Variants in LEF1 observed in about 807,000 individuals in gnomAD.
LEF1 encodes lymphoid enhancer-binding factor 1.
Under a neutral mutation model 51.2 loss-of-function variants are expected in LEF1, and 14 were observed. The ratio of observed to expected loss-of-function variants is 0.27; its 90% CI spans 0.18 to 0.43. LEF1 has a LOEUF of 0.43. Ranked by LOEUF, LEF1 falls within the 20% of genes least tolerant of loss-of-function variation. LEF1 has a pLI of 1.00. For missense variants in LEF1, 386 were observed against 512.0 expected (o/e 0.75, Z 2.37); for synonymous variants, 185 against 183.2 (o/e 1.01, Z -0.08).
At chr4:108,162,612 A>G (rs1221129324) in intron 3 of LEF1, among the ~76,000 whole-genome samples, 1 of 152,058 alleles carries the variant, frequency 6.6e-6, no homozygotes, top group African/African-American at 2.4e-5. Flanking sequence ...ACAATCTGAG[A>G]TTTGACCTCC....
intron 3 of LEF1, among the ~76,000 whole-genome samples, chr4:108,146,164 G>T (rs1743990107): frequency 1.3e-5 from 2 of 152,198 alleles, no homozygotes; most frequent in South Asian, 2.1e-4. Context: ...CAACTGTGTT[G>T]CTTAGTCTTT....
chr4:108,140,952 A>G (rs1453135818), intron 3 of LEF1, among the ~76,000 whole-genome samples: 1 of 152,244 alleles, frequency 6.6e-6, no homozygotes, highest in African/African-American at 2.4e-5. Flanking sequence ...AATCAAGGTG[A>G]AAAAACATAA....
chr4:108,078,412 G>C (rs754799578), intron 7 of LEF1, 30 bp from the exon 8 acceptor site: 1 of 1,613,970 alleles, frequency 6.2e-7, no homozygotes, highest in Non-Finnish European at 8.5e-7. Flanking sequence ...GTGGTTAGGG[G>C]AAGGGGTTGA....
intron 11 of LEF1, among the ~76,000 whole-genome samples, chr4:108,053,499 T>C (rs932572079): frequency 2.6e-5 from 4 of 152,194 alleles, no homozygotes; most frequent in African/African-American, 9.7e-5. Flanking sequence ...CCTGGATTCA[T>C]GTTCTACCAA....
rs573717338 is a variant in LEF1, at chr4:108,061,957, G to A, written c.*6+1666C>T. 5.3e-5 allele frequency among the ~76,000 whole-genome samples: 8 copies of A among 152,278 alleles called. No individual in the cohort carries two copies. In the South Asian group the frequency reaches 1.7e-3, roughly 32 times the overall value. ...GGATTTGGAAAAACCTGGGGAATCT[G>A]AATAAAGATGAAGAAAGTTTCACAG... is the stretch of plus-strand genomic sequence containing the variant. On this transcript the variant is annotated intron_variant, in intron 11 of 11. Transcript: ENST00000265165.
At chr4:108,163,246 T>G (rs1745171798) in intron 3 of LEF1, among the ~76,000 whole-genome samples, 2 of 152,192 alleles carry the variant, frequency 1.3e-5, no homozygotes, top group Non-Finnish European at 2.9e-5. Flanking sequence ...AAAAAGTAAA[T>G]CAATTTTTTC....
chr4:108,104,589 T>A (rs1741034814), intron 3 of LEF1: 1 of 619,578 alleles, frequency 1.6e-6, no homozygotes, highest in African/African-American at 2.0e-5. Flanking sequence ...TGGGATGCTA[T>A]ATAACCAGTG....
chr4:108,148,845 A>G (rs1578398173), intron 3 of LEF1, among the ~76,000 whole-genome samples: 1 of 152,204 alleles, frequency 6.6e-6, no homozygotes, highest in African/African-American at 2.4e-5. Flanking sequence ...TGGTTATTGC[A>G]CCATCCTATG....
intron 9 of LEF1, among the ~76,000 whole-genome samples, chr4:108,069,960 A>C (rs78866885): frequency 3.1e-4 from 3 of 9,742 alleles, no homozygotes; most frequent in African/African-American, 3.5e-4. Flanking sequence ...TCTGTCTCAA[A>C]AAAAAAAAAA....
chr4:108,130,888 A>G (rs1226196349), intron 3 of LEF1, among the ~76,000 whole-genome samples: 2 of 152,200 alleles, frequency 1.3e-5, no homozygotes, highest in Admixed American at 6.5e-5. Context: ...TTCTTGAACA[A>G]TATTAAACTA....
At chr4:108,143,767 T>G (rs1331003510) in intron 3 of LEF1, among the ~76,000 whole-genome samples, 1 of 152,044 alleles carries the variant, frequency 6.6e-6, no homozygotes, top group Non-Finnish European at 1.5e-5. Context: ...CCACCAACCT[T>G]GAGAGAGGCA....
chr4:108,167,429 A>G lies in LEF1; in HGVS notation c.213+126T>C, dbSNP rs1745483646. 1.2e-6 allele frequency: 1 copy of G among 868,834 alleles called. No individual in the cohort carries two copies. The highest frequency in any genetic ancestry group is 2.5e-5 in the East Asian group (1 of 39,898). 53.8% of individuals were successfully genotyped at this position (868,834 alleles called of 1,614,324 possible). A position where few individuals can be genotyped will look rare whatever the true frequency, so the allele number is the denominator to read the frequency against. ...GGGGGCCCAGCTACGCACACACCCC[A>G]AAACAAACGAGGGATCTACTCGGGA... On this transcript the variant is annotated intron_variant, in intron 1 of 11. Coordinates refer to ENST00000265165, the MANE Select transcript of LEF1 (RefSeq NM_016269.5). This position sits in a 1 kb window ranked among gnomAD's most constrained non-coding sequence, Gnocchi z 5.7.
At position 108,149,417 on chromosome 4, in the gene LEF1, C is replaced by A. The variant is rs1300339796; in HGVS notation, c.414+14151G>T. ...GAGCTTGCAGTGAGCCGAGGTCGTG[C>A]CACTGCACTCCAGCCTGGGCGACAG... On this transcript the variant is annotated intron_variant, in intron 3 of 11. Transcript: ENST00000265165. 2.2e-5 allele frequency among the ~76,000 whole-genome samples: 3 copies of A among 137,408 alleles called. No individual in the cohort carries two copies. In the Admixed American group the frequency reaches 2.3e-4, roughly 11 times the overall value. 90.1% of individuals were successfully genotyped at this position (137,408 alleles called of 152,430 possible). A position where few individuals can be genotyped will look rare whatever the true frequency, so the allele number is the denominator to read the frequency against.
At chr4:108,165,203 A>G in intron 1 of LEF1, 40 bp from the exon 2 acceptor site, 2 of 1,583,702 alleles carry the variant, frequency 1.3e-6, no homozygotes, top group Non-Finnish European at 8.7e-7. Context: ...AAAGAAAATC[A>G]CCTTAGAGTT....
At chr4:108,139,182 G>A (rs1743489678) in intron 3 of LEF1, among the ~76,000 whole-genome samples, 1 of 152,208 alleles carries the variant, frequency 6.6e-6, no homozygotes, top group Non-Finnish European at 1.5e-5. Flanking sequence ...TCCAAGAAAT[G>A]TTCAGCCTTA....
intron 3 of LEF1, among the ~76,000 whole-genome samples, chr4:108,152,479 G>A (rs1744419456): frequency 6.6e-6 from 1 of 152,194 alleles, no homozygotes; most frequent in Admixed American, 6.5e-5. Flanking sequence ...GACGAGAGGT[G>A]AACAGTGCCA....
chr4:108,100,333 G>T (rs992920704), intron 3 of LEF1, among the ~76,000 whole-genome samples: 3 of 152,034 alleles, frequency 2.0e-5, no homozygotes, highest in African/African-American at 7.2e-5. Context: ...CCTTTTAAAA[G>T]ACTTTCAATT....
intron 3 of LEF1, among the ~76,000 whole-genome samples, chr4:108,094,252 G>A (rs1740236760): frequency 2.0e-5 from 3 of 152,232 alleles, no homozygotes. Flanking sequence ...CACCTCAGCA[G>A]AAGTGGGTAA....
intron 3 of LEF1, among the ~76,000 whole-genome samples, chr4:108,156,764 A>T (rs1447318193): frequency 6.6e-6 from 1 of 152,170 alleles, no homozygotes; most frequent in East Asian, 1.9e-4. Flanking sequence ...TATCTTAGTA[A>T]AAACGCAAAT....
Sources: allele counts gnomAD v4.1 joint callset (sites outside exome capture counted in the v4.1 genomes callset), GRCh38; gene constraint gnomAD v4.1.1; non-coding constraint Gnocchi (gnomAD v3.1); transcripts MANE v1.5; gene names NCBI Gene and HGNC (gene_info 2026-07-23, HGNC 2026-07-21).